Variants in OTUD7A observed in about 807,000 individuals in gnomAD.
OTUD7A encodes the protein OTU deubiquitinase 7A, also known as OTU domain-containing protein 7A.
Under a neutral mutation model 65.7 loss-of-function variants are expected in OTUD7A, and 12 were observed. The observed-to-expected ratio is 0.18, with a 90% CI of 0.12 to 0.30. The LOEUF is 0.30. OTUD7A is among the 10% of genes least tolerant of loss of function. OTUD7A has a pLI of 1.00. For missense variants in OTUD7A, 1,148 were observed against 1,304.8 expected, an observed-to-expected ratio of 0.88 and a Z score of 1.85; for synonymous variants, 641 against 586.3, an observed-to-expected ratio of 1.09 and a Z score of -1.35.
chr15:31,857,073 T>C (rs1897593726), intron 1 of OTUD7A, among the ~76,000 whole-genome samples: 1 of 152,126 alleles, frequency 6.6e-6, no homozygotes, highest in South Asian at 2.1e-4. Context: ...TTCCACAACA[T>C]GGAAATAGAG....
chr15:31,530,079 C>T (rs761731059), intron 6 of OTUD7A, among the ~76,000 whole-genome samples: 5 of 152,190 alleles, frequency 3.3e-5, no homozygotes, highest in South Asian at 2.1e-4. Context: ...GGGAAGCTCA[C>T]GTCTCTATTG....
At chr15:31,655,438 C>T (rs1891962747) in intron 2 of OTUD7A, 188 bp from the exon 3 acceptor site, 2 of 433,294 alleles carry the variant, frequency 4.6e-6, no homozygotes, top group Non-Finnish European at 4.0e-6. Flanking sequence ...TTATAGAATG[C>T]TAACTAAAAT....
chr15:31,825,343 T>C (rs1896773146), intron 1 of OTUD7A, among the ~76,000 whole-genome samples: 1 of 152,218 alleles, frequency 6.6e-6, no homozygotes, highest in African/African-American at 2.4e-5. Flanking sequence ...AGTCACATCT[T>C]ACATGGATGG....
intron 3 of OTUD7A, among the ~76,000 whole-genome samples, chr15:31,608,957 C>T (rs945860183): frequency 9.2e-5 from 14 of 152,202 alleles, no homozygotes; most frequent in African/African-American, 3.1e-4. Context: ...AATCCTCTGC[C>T]CCCAAACACA....
Position 31,483,202 on chromosome 15 carries a change from C to A in OTUD7A, c.*92G>T. The A allele has an allele frequency of 9.7e-7, 1 of 1,026,564 alleles. No homozygotes were observed. Among genetic ancestry groups the A allele is most frequent in the South Asian group, 4.5e-5 (1 of 22,016 alleles). 63.6% of individuals were successfully genotyped at this position (1,026,564 alleles called of 1,614,324 possible). ...CACTGACAGAGGAGGCGCCGGCCTT[C>A]CGGTGGACCAGGGCATGTAAAAAAG... On this transcript the variant is annotated 3_prime_UTR_variant, in exon 13 of 13. Transcript: ENST00000307050.
At chr15:31,567,945 C>A (rs1182375160) in intron 4 of OTUD7A, among the ~76,000 whole-genome samples, 1 of 152,262 alleles carries the variant, frequency 6.6e-6, no homozygotes, top group African/African-American at 2.4e-5. Flanking sequence ...GCCTAGATTT[C>A]AGAGGATGTA....
At chr15:31,860,679 A>ATATATATATATATATC (rs1254080643) in intron 1 of OTUD7A, among the ~76,000 whole-genome samples, 4 of 40,880 alleles carry the variant, frequency 9.8e-5, no homozygotes, top group Non-Finnish European at 2.5e-4. Flanking sequence ...GTATGTGTGT[A>ATATATATATATATATC]TATATATATA....
In OTUD7A at chr15:31,503,746, T is replaced by C; in HGVS notation, c.966A>G (p.Leu322=). The C allele has an allele frequency of 6.2e-7, 1 of 1,614,178 alleles. No individual in the cohort carries two copies. ...EFHVFVLAHI[L]RRPIVVVADT... is the part of the protein sequence containing the mutation. ...CTGCCACAACAACGATGGGCCTTCT[T>C]AATATATGGGCTAGGACAAAAACGT... The change falls in exon 9 of 13, where the codon TTA becomes TTG. Residue 322 remains leucine, a synonymous_variant. Transcript: ENST00000307050.
At chr15:31,592,944 T>C (rs1312695393) in intron 3 of OTUD7A, among the ~76,000 whole-genome samples, 2 of 94,958 alleles carry the variant, frequency 2.1e-5, no homozygotes, top group African/African-American at 6.7e-5. Flanking sequence ...TATGTATATA[T>C]ACACGTGTAT....
At chr15:31,488,348 A>G (rs1382322977) in intron 10 of OTUD7A, among the ~76,000 whole-genome samples, 1 of 152,190 alleles carries the variant, frequency 6.6e-6, no homozygotes, top group Non-Finnish European at 1.5e-5. Flanking sequence ...GGCTCACTCC[A>G]GAAGGGCTAG....
intron 3 of OTUD7A, among the ~76,000 whole-genome samples, chr15:31,593,296 G>A (rs1021037503): frequency 4.6e-5 from 7 of 151,918 alleles, no homozygotes; most frequent in South Asian, 4.2e-4. Flanking sequence ...TATTGGTTCT[G>A]TTTCACCAGA....
chr15:31,836,222 C>A (rs748155332), intron 1 of OTUD7A, among the ~76,000 whole-genome samples: 10 of 151,842 alleles, frequency 6.6e-5, no homozygotes, highest in Non-Finnish European at 1.3e-4. Flanking sequence ...AAGTGATGTT[C>A]GGTGGTAACA....
At chr15:31,561,316 A>C (rs1566920874) in intron 4 of OTUD7A, among the ~76,000 whole-genome samples, 1 of 152,324 alleles carries the variant, frequency 6.6e-6, no homozygotes, top group East Asian at 1.9e-4. Context: ...TGCCTCGTGC[A>C]AGCCATGCTG....
chr15:31,869,974 G>A (rs1897981791), intron 1 of OTUD7A, among the ~76,000 whole-genome samples: 2 of 152,014 alleles, frequency 1.3e-5, no homozygotes, highest in Admixed American at 6.5e-5. Context: ...AGACCCAGCA[G>A]AGCGAGCGGG....
At chr15:31,605,607 C>T (rs935249966) in intron 3 of OTUD7A, among the ~76,000 whole-genome samples, 8 of 152,210 alleles carry the variant, frequency 5.3e-5, no homozygotes, top group African/African-American at 1.9e-4. Flanking sequence ...CGCCTCCGTG[C>T]TCACTTTCCA....
intron 8 of OTUD7A, among the ~76,000 whole-genome samples, chr15:31,516,984 C>T (rs1053988500): frequency 3.3e-5 from 5 of 152,142 alleles, no homozygotes; most frequent in Non-Finnish European, 5.9e-5. Context: ...TTTCACCAGA[C>T]GCCAAGGAGA....
At chr15:31,569,786 G>A (rs1333465871) in intron 4 of OTUD7A, among the ~76,000 whole-genome samples, 1 of 152,146 alleles carries the variant, frequency 6.6e-6, no homozygotes, top group Non-Finnish European at 1.5e-5. Context: ...TGGGCTTTTG[G>A]GGTCCTAGGA....
intron 5 of OTUD7A, among the ~76,000 whole-genome samples, chr15:31,542,820 A>C (rs897094439): frequency 2.7e-5 from 4 of 148,398 alleles, no homozygotes; most frequent in African/African-American, 1.1e-4. Context: ...TGGAAAGAAG[A>C]AGCCAAAAAA....
intron 10 of OTUD7A, among the ~76,000 whole-genome samples, chr15:31,500,032 G>A (rs936157866): frequency 2.0e-5 from 3 of 152,198 alleles, no homozygotes; most frequent in Admixed American, 1.3e-4. Context: ...AGGGGGTCGG[G>A]TATCTGAACC....
Sources: allele counts gnomAD v4.1 joint callset (sites outside exome capture counted in the v4.1 genomes callset), GRCh38; gene constraint gnomAD v4.1.1; transcripts MANE v1.5; gene names NCBI Gene and HGNC (gene_info 2026-07-23, HGNC 2026-07-21).